AKAP13: variants seen among roughly 807,000 people sequenced by gnomAD.
AKAP13 encodes the protein A-kinase anchor protein 13.
AKAP13 carries 80 observed loss-of-function variants against 264.5 expected under a neutral mutation model. The observed-to-expected ratio is 0.30, with a 90% CI of 0.25 to 0.36. The LOEUF is 0.36. AKAP13 is among the 10% of genes least tolerant of loss of function. AKAP13 has a pLI of 1.00. For missense variants in AKAP13, 3,712 were observed against 3,435.2 expected (o/e 1.08, Z -2.01); for synonymous variants, 1,380 against 1,250.2 (o/e 1.10, Z -2.19).
intron 3 of AKAP13, among the ~76,000 whole-genome samples, chr15:85,522,016 C>T (rs998178512): frequency 6.6e-6 from 1 of 152,090 alleles, no homozygotes; most frequent in African/African-American, 2.4e-5. Flanking sequence ...ATTAGATATC[C>T]TTCCTTGTAA....
intron 5 of AKAP13, among the ~76,000 whole-genome samples, chr15:85,547,167 G>A (rs1399219229): frequency 6.6e-6 from 1 of 152,130 alleles, no homozygotes; most frequent in Non-Finnish European, 1.5e-5. Context: ...TTGAAGTATG[G>A]CTATGTATAT....
rs78877251 is a variant in AKAP13 at position 85,671,724 on chromosome 15, T to C, written c.5101+1894T>C. 8.5e-3 allele frequency among the ~76,000 whole-genome samples: 1,294 copies of C among 152,090 alleles called. 18 individuals carry two copies. Among genetic ancestry groups the C allele is most frequent in the African/African-American group, 0.026 (1,096 of 41,504 alleles). On this transcript the variant is annotated intron_variant, in intron 14 of 36. Transcript: ENST00000394518. Reference sequence around the variant, plus strand: ...ACAATTGAATAGTTTGCAGTGAATTTGATAAGCCAGAATGCTAGCACTCAG... The same window carrying C: ...ACAATTGAATAGTTTGCAGTGAATTCGATAAGCCAGAATGCTAGCACTCAG...
rs2150951554 is a variant in AKAP13, at chr15:85,439,923, A to T, written c.-11-45787A>T. Among the ~76,000 whole-genome samples the T allele has an allele frequency of 1.3e-5, 2 of 151,730 alleles. 1 individual carries two copies. Among genetic ancestry groups the T allele is most frequent in the Admixed American group, 1.3e-4 (2 of 15,254 alleles). ...GAGCATGGCACATGTATACATATGT[A>T]ACTAACCTGCACAATATGCACATGT... On this transcript the variant is annotated intron_variant, in intron 1 of 36. Coordinates refer to ENST00000394518, the MANE Select transcript of AKAP13 (RefSeq NM_007200.5).
chr15:85,698,521 C>G (rs1294409021), intron 17 of AKAP13, among the ~76,000 whole-genome samples: 1 of 148,726 alleles, frequency 6.7e-6, no homozygotes, highest in Non-Finnish European at 1.5e-5. Context: ...GGTTGCCAAA[C>G]TTTTTCTGCA....
chr15:85,738,792 T>G (rs1027152345), intron 33 of AKAP13, among the ~76,000 whole-genome samples: 1 of 145,918 alleles, frequency 6.9e-6, no homozygotes, highest in African/African-American at 2.6e-5. Context: ...GAGCCGAGAT[T>G]GCGCCACTGC....
intron 14 of AKAP13, among the ~76,000 whole-genome samples, chr15:85,672,347 T>A (rs956716319): frequency 6.6e-6 from 1 of 152,230 alleles, no homozygotes; most frequent in Non-Finnish European, 1.5e-5. Flanking sequence ...TTAAAATAGT[T>A]TCCCACCTGT....
At chr15:85,525,531 A>G (rs2077005183) in intron 3 of AKAP13, among the ~76,000 whole-genome samples, 3 of 152,234 alleles carry the variant, frequency 2.0e-5, no homozygotes. Context: ...TACATTTAAA[A>G]CACCTATGAA....
At chr15:85,698,914 A>T (rs1343410871) in intron 17 of AKAP13, among the ~76,000 whole-genome samples, 1 of 142,694 alleles carries the variant, frequency 7.0e-6, no homozygotes, top group African/African-American at 2.6e-5. Flanking sequence ...CCTGCACTCC[A>T]GCCTGGGAAA....
Position 85,746,927 on chromosome 15 carries a change from C to G in AKAP13, c.*2250C>G, listed in dbSNP as rs563837407. 8.5e-5 allele frequency: 13 copies of G among 152,274 alleles called. No individual in the cohort carries two copies. In the East Asian group the frequency reaches 2.1e-3, roughly 25 times the overall value. The allele number at this position is 152,274 out of a possible 1,614,324, so 9.4% of individuals were successfully genotyped here. ...GCGTACGTGCTCTTCACAAAAACAC[C>G]GTGGATGCTGAAGTTAGAGCACGTC... On this transcript the variant is annotated 3_prime_UTR_variant, in exon 37 of 37. Transcript: ENST00000394518.
chr15:85,697,814 C>G (rs778395212), intron 17 of AKAP13, among the ~76,000 whole-genome samples: 4 of 152,126 alleles, frequency 2.6e-5, no homozygotes, highest in Non-Finnish European at 4.4e-5. Context: ...GAGCTTCAGT[C>G]TAGAAAGTCT....
chr15:85,657,699 C>T lies in AKAP13; in HGVS notation c.4746-838C>T, dbSNP rs192202111. 2.4e-3 allele frequency among the ~76,000 whole-genome samples: 334 copies of T among 140,710 alleles called. 1 individual carries two copies. Among genetic ancestry groups the T allele is most frequent in the Admixed American group, 6.7e-3 (93 of 13,950 alleles). The allele number at this position is 140,710 out of a possible 152,430, so 92.3% of individuals were successfully genotyped here. ...TAAAAAGTAATTTCCCAGTTTTGCTCGTGGTGTACTCTTTTTTTTTTTTTT... is the reference window on the plus strand; with the variant it reads ...TAAAAAGTAATTTCCCAGTTTTGCTTGTGGTGTACTCTTTTTTTTTTTTTT... On this transcript the variant is annotated intron_variant, in intron 11 of 36. Transcript: ENST00000394518.
At chr15:85,622,518 G>C (rs187544568) in intron 8 of AKAP13, among the ~76,000 whole-genome samples, 2 of 152,324 alleles carry the variant, frequency 1.3e-5, no homozygotes, top group African/African-American at 4.8e-5. Context: ...CAGCTATGGG[G>C]AGGATGCCTT....
chr15:85,442,976 A>G (rs1324545941), intron 1 of AKAP13, among the ~76,000 whole-genome samples: 2 of 151,542 alleles, frequency 1.3e-5, no homozygotes, highest in African/African-American at 2.4e-5. Context: ...ATCCTCCCTA[A>G]CTCCCTGCTT....
At chr15:85,559,191 G>A (rs188766883) in intron 5 of AKAP13, among the ~76,000 whole-genome samples, 172 of 152,230 alleles carry the variant, frequency 1.1e-3, no homozygotes, top group Non-Finnish European at 1.6e-3. Context: ...ACTAAGTGGC[G>A]TGAAGCACTG....
At chr15:85,540,423 C>T (rs754569397) in intron 4 of AKAP13, among the ~76,000 whole-genome samples, 6 of 152,082 alleles carry the variant, frequency 3.9e-5, no homozygotes, top group African/African-American at 1.2e-4. Flanking sequence ...ATTATTATGA[C>T]GACAAGGATG....
At chr15:85,741,638 G>A (rs1429316089) in intron 35 of AKAP13, 143 bp downstream of exon 35, 5 of 1,311,768 alleles carry the variant, frequency 3.8e-6, no homozygotes, top group Middle Eastern at 2.1e-4. Context: ...CACTTTAGGA[G>A]GCTGAGGTGA....
intron 8 of AKAP13, among the ~76,000 whole-genome samples, chr15:85,598,798 C>G (rs12911797): frequency 0.62 from 93,312 of 151,090 alleles, 28,905 homozygotes; most frequent in Middle Eastern, 0.72. Context: ...GTCCCTTCTA[C>G]TGTTCCCTTC....
At chr15:85,611,579 C>G (rs1001357050) in intron 8 of AKAP13, among the ~76,000 whole-genome samples, 3 of 152,246 alleles carry the variant, frequency 2.0e-5, no homozygotes, top group Non-Finnish European at 4.4e-5. Context: ...CCTGACTTCT[C>G]TAACAGCTTT....
At chr15:85,647,826 G>A (rs868154099) in intron 10 of AKAP13, among the ~76,000 whole-genome samples, 3 of 152,116 alleles carry the variant, frequency 2.0e-5, no homozygotes, top group Non-Finnish European at 2.9e-5. Flanking sequence ...TACTCGGGAG[G>A]CTGAGGCAGG....
Sources: allele counts gnomAD v4.1 joint callset (sites outside exome capture counted in the v4.1 genomes callset), GRCh38; gene constraint gnomAD v4.1.1; transcripts MANE v1.5; gene names NCBI Gene and HGNC (gene_info 2026-07-23, HGNC 2026-07-21).